Variants in LAMB1 observed in about 807,000 individuals in gnomAD.
LAMB1 encodes laminin subunit beta 1.
In LAMB1, 121 loss-of-function variants were observed where a neutral mutation model predicts 222.3. The ratio of observed to expected loss-of-function variants is 0.54; its 90% CI spans 0.47 to 0.63. The LOEUF is 0.63. LAMB1 is among the 30% of genes least tolerant of loss of function. LAMB1 has a pLI of 0.00. For synonymous variants in LAMB1, 794 were observed against 807.2 expected (o/e 0.98, Z 0.28); for missense variants, 2,172 against 2,240.8 (o/e 0.97, Z 0.62).
At chr7:107,991,745 C>T (rs1480281736) in intron 5 of LAMB1, among the ~76,000 whole-genome samples, 10 of 151,912 alleles carry the variant, frequency 6.6e-5, no homozygotes, top group African/African-American at 2.4e-4. Flanking sequence ...CCTGTCTCTA[C>T]TAAAAATACA....
chr7:107,956,990 G>A (rs376057491), intron 20 of LAMB1, among the ~76,000 whole-genome samples: 1 of 152,216 alleles, frequency 6.6e-6, no homozygotes, highest in African/African-American at 2.4e-5. Flanking sequence ...TAGCCTGCTT[G>A]TCAAGGTGAA....
rs760227968 is a variant in LAMB1, at chr7:108,001,585, T to C, written c.186A>G (p.Glu62=). The change falls in exon 3 of 34, where the codon GAA becomes GAG. Residue 62 remains glutamate, a synonymous_variant. Coordinates refer to ENST00000222399, the MANE Select transcript of LAMB1 (RefSeq NM_002291.3). ...VTSTCGLHKP[E]PYCIVSHLQE... is the part of the protein sequence containing the mutation. Reference sequence around the variant, plus strand: ...GCAAGTGGCTGACGATACAGTAGGGTTCGGGCTTGTGCAGCCCGCACGTCG... The same window carrying C: ...GCAAGTGGCTGACGATACAGTAGGGCTCGGGCTTGTGCAGCCCGCACGTCG... The C allele has an allele frequency of 2.2e-5, 35 of 1,611,678 alleles. No homozygotes were observed. The highest frequency in any genetic ancestry group is 1.0e-4 in the Admixed American group (6 of 59,842).
At chr7:107,995,286 C>T (rs1260022738) in intron 4 of LAMB1, among the ~76,000 whole-genome samples, 1 of 152,166 alleles carries the variant, frequency 6.6e-6, no homozygotes, top group Non-Finnish European at 1.5e-5. Context: ...GAAACATCTT[C>T]CCAACCCTCT....
chr7:107,974,764 A>G (rs1028674779), intron 12 of LAMB1, among the ~76,000 whole-genome samples: 5 of 152,262 alleles, frequency 3.3e-5, no homozygotes, highest in African/African-American at 9.6e-5. Flanking sequence ...TGTGTCTATA[A>G]AAGTGGTATT....
chr7:107,933,605 A>G lies in LAMB1; in HGVS notation c.4189-1228T>C, dbSNP rs1051330881. Among the ~76,000 whole-genome samples, 29 of 147,370 alleles carry G rather than the reference A, an allele frequency of 2.0e-4. 1 individual carries two copies. The highest frequency in any genetic ancestry group is 7.9e-5 in the African/African-American group (3 of 37,762). On this transcript the variant is annotated intron_variant, in intron 27 of 33. Transcript: ENST00000222399. ...TTTCAACAGATGGGGCAGACATGGA[A>G]AAAAAAAAACACAGTATGGCTCTAG...
intron 32 of LAMB1, among the ~76,000 whole-genome samples, chr7:107,925,565 G>GCCA (rs1012555413): frequency 6.6e-6 from 1 of 151,946 alleles, no homozygotes; most frequent in African/African-American, 2.4e-5. Flanking sequence ...CCACCCCGGC[G>GCCA]CCACCAAGTT....
At chr7:107,985,794 C>A (rs113855977) in intron 7 of LAMB1, among the ~76,000 whole-genome samples, 290 of 151,436 alleles carry the variant, frequency 1.9e-3, no homozygotes, top group Middle Eastern at 0.014. Flanking sequence ...CCCGTCTCTA[C>A]TAAAAATACA....
In LAMB1 at chr7:107,952,051, G is replaced by A. The variant is rs1334265944; in HGVS notation, c.3252C>T (p.Cys1084=). The stretch of plus-strand genomic sequence containing the variant: ...CGAAGGAATGAGCAGCATTGCAGTT[G>A]CATGGGTCACAGCCAGTGCCACTGG... ...QLASGTGCDP[C]NCNAAHSFGP... is the part of the protein sequence containing the mutation. Residue 1084 remains cysteine (C), a synonymous_variant, in exon 23 of 34, where the codon TGC becomes TGT. Transcript: ENST00000222399. 6.2e-7 allele frequency: 1 copy of A among 1,613,866 alleles called. No homozygotes were observed. The highest frequency in any genetic ancestry group is 8.5e-7 in the Non-Finnish European group (1 of 1,179,968).
intron 24 of LAMB1, among the ~76,000 whole-genome samples, chr7:107,940,724 C>G (rs886516391): frequency 4.6e-5 from 7 of 152,254 alleles, no homozygotes; most frequent in Non-Finnish European, 8.8e-5. Context: ...AGGAAAAGGC[C>G]ACGCCAGAAT....
intron 7 of LAMB1, 141 bp downstream of exon 7, chr7:107,985,881 C>A (rs771854749): frequency 8.2e-6 from 5 of 608,584 alleles, no homozygotes; most frequent in African/African-American, 7.5e-5. Context: ...CACTTGAACC[C>A]GGGAGGCGGA....
intron 26 of LAMB1, 147 bp downstream of exon 26, chr7:107,936,946 T>G (rs535469060): frequency 2.2e-5 from 14 of 632,732 alleles, no homozygotes; most frequent in Non-Finnish European, 3.7e-5. Flanking sequence ...ATGGGGACTT[T>G]GATCCTCATT....
chr7:107,954,880 A>G (rs2033341964), intron 21 of LAMB1, among the ~76,000 whole-genome samples: 1 of 152,228 alleles, frequency 6.6e-6, no homozygotes, highest in Non-Finnish European at 1.5e-5. Context: ...AATGATGACC[A>G]ATTTCCCTAA....
chr7:108,001,266 A>T (rs1471145000), intron 3 of LAMB1, among the ~76,000 whole-genome samples: 4 of 152,266 alleles, frequency 2.6e-5, no homozygotes, highest in African/African-American at 9.6e-5. Flanking sequence ...CTAAAGTTTT[A>T]AAAAACACAC....
chr7:107,930,434 T>C (rs1050660478), intron 29 of LAMB1, among the ~76,000 whole-genome samples: 4 of 152,366 alleles, frequency 2.6e-5, no homozygotes, highest in South Asian at 4.1e-4. Context: ...TGACTCCTTA[T>C]TAGCCATGCC....
chr7:107,925,570 C>T (rs1322734135), intron 32 of LAMB1, among the ~76,000 whole-genome samples: 2 of 152,070 alleles, frequency 1.3e-5, no homozygotes, highest in East Asian at 3.8e-4. Context: ...CCGGCGCCAC[C>T]AAGTTTTTAA....
intron 5 of LAMB1, among the ~76,000 whole-genome samples, chr7:107,993,176 C>T (rs1242124151): frequency 6.6e-6 from 1 of 152,194 alleles, no homozygotes; most frequent in Non-Finnish European, 1.5e-5. Context: ...CCCTGTCACC[C>T]AGGCTGGAGT....
intron 21 of LAMB1, among the ~76,000 whole-genome samples, chr7:107,954,340 T>A (rs1279586074): frequency 6.6e-6 from 1 of 151,200 alleles, no homozygotes; most frequent in Non-Finnish European, 1.5e-5. Context: ...AATTTTTTTT[T>A]TTTTTTTTTT....
At chr7:107,963,178 C>G (rs1201443048) in intron 14 of LAMB1, 115 bp from the exon 15 acceptor site, 1 of 939,282 alleles carries the variant, frequency 1.1e-6, no homozygotes, top group Non-Finnish European at 1.6e-6. Flanking sequence ...TACCTTATGT[C>G]TATTTTTTAT....
At chr7:108,002,516 A>T in intron 2 of LAMB1, 2 of 1,084,694 alleles carry the variant, frequency 1.8e-6, no homozygotes, top group Non-Finnish European at 2.5e-6. Context: ...CTCCTCGGTC[A>T]GCACCGCCAA....
Sources: allele counts gnomAD v4.1 joint callset (sites outside exome capture counted in the v4.1 genomes callset), GRCh38; gene constraint gnomAD v4.1.1; transcripts MANE v1.5; gene names NCBI Gene and HGNC (gene_info 2026-07-23, HGNC 2026-07-21).